ADIPOR1: variants seen among roughly 807,000 people sequenced by gnomAD.
The protein encoded by ADIPOR1 is adiponectin receptor 1, also known as adiponectin receptor protein 1.
A neutral mutation model predicts 37.5 loss-of-function variants in ADIPOR1; 15 were observed. The observed-to-expected ratio is 0.40, with a 90% CI of 0.27 to 0.62. The LOEUF (loss-of-function observed/expected upper bound fraction) is 0.62, where lower values mean the gene tolerates loss of function less well. Ranked by LOEUF, ADIPOR1 falls within the 20% of genes least tolerant of loss-of-function variation. ADIPOR1 has a pLI of 0.42. For missense variants in ADIPOR1, 286 were observed against 478.0 expected, an observed-to-expected ratio of 0.60 and a Z score of 3.75; for synonymous variants, 173 against 173.2, an observed-to-expected ratio of 1.00 and a Z score of 0.01.
rs1654254339 is a variant in ADIPOR1, at chr1:202,945,105, G to T, written c.495C>A (p.Ala165=). 6.2e-7 allele frequency: 1 copy of T among 1,613,872 alleles called. No homozygotes were observed. ...CAAAAACCACCTTCTCCTGTAGAGG[G>T]GCCATGAAGTACATATTTGGTCTGA... The part of the protein sequence containing the change: ...TMLRPNMYFM[A]PLQEKVVFGM... Residue 165 remains alanine, a synonymous_variant, in exon 5 of 8, where the codon GCC becomes GCA. Transcript: ENST00000340990.
At chr1:202,947,383 G>T (rs139803477) in intron 3 of ADIPOR1, among the ~76,000 whole-genome samples, 3,270 of 151,296 alleles carry the variant, frequency 0.022, 117 homozygotes, top group African/African-American at 0.075. Context: ...TAAGCCAGGC[G>T]TGGTGGCACA....
Position 202,941,574 on chromosome 1 carries a change from C to T in ADIPOR1, c.1127G>A (p.Ter376=), listed in dbSNP as rs2102479495. 1 of 1,608,018 alleles carries T rather than the reference C, an allele frequency of 6.2e-7. No individual in the cohort carries two copies. Among genetic ancestry groups the T allele is most frequent in the South Asian group, 1.1e-5 (1 of 89,736 alleles). The change falls in exon 8 of 8, where the codon TGA becomes TAA. Residue 376 remains the stop codon, a stop_retained_variant. Transcript: ENST00000340990. ...CCTCCACCCCGCAGGTGGGAAGGCT[C>T]AGAGAAGGGTGTCATCAGTACAGCC... ...EGGCTDDTLL[*]
At position 202,941,613 on chromosome 1, in the gene ADIPOR1, T is replaced by A. The variant is rs766580369; in HGVS notation, c.1088A>T (p.Tyr363Phe). 7.7e-5 allele frequency: 124 copies of A among 1,614,038 alleles called. No homozygotes were observed. Among genetic ancestry groups the A allele is most frequent in the Non-Finnish European group, 1.1e-4 (124 of 1,180,034 alleles). Reference protein sequence around the residue: ...YGVSNLQEFRYGLEGGCTDDT... With the variant: ...YGVSNLQEFRFGLEGGCTDDT... The stretch of plus-strand genomic sequence containing the variant: ...ATCAGTACAGCCGCCTTCTAGGCCG[T>A]AACGGAATTCCTGAAGGTTGGAGAC... The change falls in exon 8 of 8, where the codon TAC (tyrosine) becomes TTC (phenylalanine). Residue 363 changes from tyrosine (Y) to phenylalanine (F), a missense_variant. Transcript: ENST00000340990.
intron 2 of ADIPOR1, among the ~76,000 whole-genome samples, chr1:202,949,021 C>T (rs546117153): frequency 2.6e-5 from 4 of 151,550 alleles, no homozygotes; most frequent in African/African-American, 9.7e-5. Context: ...AATCTCCTGA[C>T]CTCACGTGAT....
chr1:202,944,815 A>G lies in ADIPOR1; in HGVS notation c.617+168T>C, dbSNP rs1048210638. 1.5e-5 allele frequency: 9 copies of G among 596,956 alleles called. 1 individual carries two copies. Among genetic ancestry groups the G allele is most frequent in the African/African-American group, 1.5e-4 (8 of 54,966 alleles). 37.0% of individuals were successfully genotyped at this position (596,956 alleles called of 1,614,324 possible). A position where few individuals can be genotyped will look rare whatever the true frequency, so the allele number is the denominator to read the frequency against. On this transcript the variant is annotated intron_variant, in intron 5 of 7. Coordinates refer to ENST00000340990, the MANE Select transcript of ADIPOR1 (RefSeq NM_015999.6). Reference sequence around the variant, plus strand: ...CAGTAAGTCTGTTCATGAAGTGTTTAAGAGAAAAGCTTCATCACCCCACTA... The same window carrying G: ...CAGTAAGTCTGTTCATGAAGTGTTTGAGAGAAAAGCTTCATCACCCCACTA...
chr1:202,947,068 A>G (rs189908023), intron 3 of ADIPOR1, among the ~76,000 whole-genome samples: 6 of 152,090 alleles, frequency 3.9e-5, no homozygotes, highest in African/African-American at 1.4e-4. Context: ...GTGAGCCGAG[A>G]TTGCACCACT....
At chr1:202,956,607 T>C (rs573174180) in intron 1 of ADIPOR1, among the ~76,000 whole-genome samples, 1 of 152,278 alleles carries the variant, frequency 6.6e-6, no homozygotes, top group South Asian at 2.1e-4. Flanking sequence ...GTTGAAGTGA[T>C]CAGAAAAAGT....
chr1:202,941,861 TC>T (rs1229823864), intron 7 of ADIPOR1, among the ~76,000 whole-genome samples, 160 bp from the exon 8 acceptor site: 1 of 152,232 alleles, frequency 6.6e-6, no homozygotes, highest in African/African-American at 2.4e-5. Context: ...ACAGTCCTTG[TC>T]AGAGATACAC....
intron 5 of ADIPOR1, 119 bp downstream of exon 5, chr1:202,944,864 C>T (rs1030904449): frequency 6.1e-6 from 6 of 983,214 alleles, no homozygotes; most frequent in African/African-American, 1.6e-5. Flanking sequence ...GAGAGCCTTT[C>T]CTCTGGCATA....
Position 202,945,164 on chromosome 1 carries a change from C to T in ADIPOR1, c.436G>A (p.Val146Met), listed in dbSNP as rs750288767. 16 of 1,606,234 alleles carry T rather than the reference C, an allele frequency of 1.0e-5. No homozygotes were observed. Among genetic ancestry groups the T allele is most frequent in the Admixed American group, 6.9e-5 (4 of 58,340 alleles). The part of the protein sequence containing the change: ...GNIWTHLLGF[V>M]LFLFLGILTM... ...AAGATTCCCAAAAAGAGAAACAGCA[C>T]GAAACCTGCAGGAGGGTAAAATAAA... Residue 146 changes from valine to methionine, a missense_variant, in exon 5 of 8, where the codon GTG becomes ATG. By Grantham distance (21) the Val-to-Met change is conservative. Transcript: ENST00000340990.
At chr1:202,946,309 CT>C in intron 4 of ADIPOR1, 129 bp downstream of exon 4, 1 of 1,137,726 alleles carries the variant, frequency 8.8e-7, no homozygotes, top group Non-Finnish European at 1.3e-6. Flanking sequence ...AGGTTATTAG[CT>C]TAAAGTCATT....
chr1:202,947,373 T>C (rs1654375845), intron 3 of ADIPOR1, among the ~76,000 whole-genome samples: 1 of 151,014 alleles, frequency 6.6e-6, no homozygotes. Context: ...AATACAAAAA[T>C]AAGCCAGGCG....
chr1:202,950,983 G>T lies in ADIPOR1; in HGVS notation c.88C>A (p.Leu30Met). ...READTVELAE[L>M]GPLLEEKGKR... ...CCCTTCTCTTCTAGCAGGGGTCCCA[G>T]TTCAGCCAGTTCCACCGTGTCAGCT... Residue 30 changes from leucine to methionine, a missense_variant, in exon 2 of 8, where the codon CTG becomes ATG. Leu to Met is a conservative substitution (Grantham distance 15). Transcript: ENST00000340990. 1 of 1,614,186 alleles carries T rather than the reference G, an allele frequency of 6.2e-7. No individual in the cohort carries two copies. The highest frequency in any genetic ancestry group is 1.3e-5 in the African/African-American group (1 of 75,042).
chr1:202,943,842 T>C lies in ADIPOR1; in HGVS notation c.721A>G (p.Ile241Val), dbSNP rs1454180852. The C allele has an allele frequency of 1.9e-6, 3 of 1,614,070 alleles. No individual in the cohort carries two copies. Among genetic ancestry groups the C allele is most frequent in the Non-Finnish European group, 2.5e-6 (3 of 1,180,002 alleles). ...GCAGAAATGCCCAGGACACAGACGA[T>C]GGAGAGGTAGATGAGCCGTGGCTGT... ...SPQPRLIYLS[I>V]VCVLGISAII... Residue 241 changes from isoleucine (I) to valine (V), a missense_variant, in exon 6 of 8, where the codon ATC becomes GTC. Transcript: ENST00000340990.
chr1:202,949,593 A>AAAAAAAAC (rs1332418254), intron 2 of ADIPOR1, among the ~76,000 whole-genome samples: 17,994 of 137,982 alleles, frequency 0.13, 1,654 homozygotes, highest in East Asian at 0.22. Flanking sequence ...AAAAAAAAAA[A>AAAAAAAAC]AAAACACACC....
At chr1:202,943,468 T>C (rs1654182980) in intron 6 of ADIPOR1, among the ~76,000 whole-genome samples, 1 of 152,252 alleles carries the variant, frequency 6.6e-6, no homozygotes, top group Non-Finnish European at 1.5e-5. Flanking sequence ...ATTACTGTGC[T>C]TGCTACATTT....
chr1:202,951,329 G>A (rs1169980122), intron 1 of ADIPOR1, among the ~76,000 whole-genome samples, 165 bp from the exon 2 acceptor site: 1 of 152,058 alleles, frequency 6.6e-6, no homozygotes, highest in Non-Finnish European at 1.5e-5. Context: ...CCTCTTTAAT[G>A]TCAACCTTTA....
At chr1:202,952,292 T>C (rs1654607179) in intron 1 of ADIPOR1, among the ~76,000 whole-genome samples, 1 of 152,170 alleles carries the variant, frequency 6.6e-6, no homozygotes, top group Non-Finnish European at 1.5e-5. Flanking sequence ...CACATTGCAA[T>C]GCAGGGAGGG....
rs1464071306 is a variant in ADIPOR1, at chr1:202,951,106, G to T, written c.-36C>A. 3 of 1,612,396 alleles carry T rather than the reference G, an allele frequency of 1.9e-6. No individual in the cohort carries two copies. The highest frequency in any genetic ancestry group is 2.5e-6 in the Non-Finnish European group (3 of 1,178,758). ...CCTCAATACCCTGCAGCTTCAGCTT[G>T]GGGAAAGGTTGGGGTCTCTCAGCCC... is the stretch of plus-strand genomic sequence containing the variant. On this transcript the variant is annotated 5_prime_UTR_variant, in exon 2 of 8. Coordinates refer to ENST00000340990, the MANE Select transcript of ADIPOR1 (RefSeq NM_015999.6).
Sources: gnomAD v4.1 joint callset for allele counts (sites outside exome capture counted in the v4.1 genomes callset) on GRCh38, gnomAD v4.1.1 for gene constraint, MANE v1.5 for transcripts, NCBI Gene and HGNC (gene_info 2026-07-23, HGNC 2026-07-21) for gene names.